ERBB4: variants seen among roughly 807,000 people sequenced by gnomAD.
ERBB4 encodes receptor tyrosine-protein kinase erbB-4.
ERBB4 carries 42 observed loss-of-function variants against 158.0 expected under a neutral mutation model. The ratio of observed to expected loss-of-function variants is 0.27; its 90% CI spans 0.21 to 0.34. The LOEUF is 0.34. ERBB4 is among the 10% of genes least tolerant of loss of function. ERBB4 has a pLI of 1.00. For synonymous variants in ERBB4, 583 were observed against 558.7 expected, an observed-to-expected ratio of 1.04 and a Z score of -0.61; for missense variants, 1,333 against 1,624.1, an observed-to-expected ratio of 0.82 and a Z score of 3.08.
At chr2:211,875,025 C>CAAAAAAAAAAAAAATAA in intron 3 of ERBB4, among the ~76,000 whole-genome samples, 1 of 27,032 alleles carries the variant, frequency 3.7e-5, no homozygotes, top group South Asian at 1.9e-3. Flanking sequence ...AATAGAAATG[C>CAAAAAAAAAAAAAATAA]AAAAAAAAAA....
intron 19 of ERBB4, among the ~76,000 whole-genome samples, chr2:211,611,940 T>C (rs1325750164): frequency 6.6e-6 from 1 of 152,118 alleles, no homozygotes; most frequent in Non-Finnish European, 1.5e-5. Flanking sequence ...ATTGCATGCA[T>C]AGGAAAAAAT....
At chr2:211,496,690 T>C (rs1356606300) in intron 20 of ERBB4, among the ~76,000 whole-genome samples, 1 of 152,100 alleles carries the variant, frequency 6.6e-6, no homozygotes, top group African/African-American at 2.4e-5. Context: ...CTAATCTTAA[T>C]ACAGAAGCCA....
At chr2:212,218,117 A>C (rs1234435029) in intron 1 of ERBB4, among the ~76,000 whole-genome samples, 2 of 151,340 alleles carry the variant, frequency 1.3e-5, no homozygotes, top group African/African-American at 2.4e-5. Context: ...TATAGCCTCA[A>C]AGTCTCCATT....
At chr2:211,407,671 T>C (rs954924667) in intron 25 of ERBB4, among the ~76,000 whole-genome samples, 1 of 152,210 alleles carries the variant, frequency 6.6e-6, no homozygotes, top group Non-Finnish European at 1.5e-5. Context: ...TCAAGTGTAA[T>C]GAGAGGCTGG....
chr2:211,802,829 A>G (rs1653924983), intron 3 of ERBB4, among the ~76,000 whole-genome samples: 2 of 152,180 alleles, frequency 1.3e-5, no homozygotes, highest in South Asian at 4.1e-4. Flanking sequence ...TTTAGAGTGA[A>G]TAGGAGGAGA....
At chr2:211,968,956 A>AT (rs2081379160) in intron 2 of ERBB4, among the ~76,000 whole-genome samples, 1 of 151,976 alleles carries the variant, frequency 6.6e-6, no homozygotes, top group Non-Finnish European at 1.5e-5. Flanking sequence ...CAAATTAGTA[A>AT]TGTACATTTT....
chr2:212,124,743 C>T lies in ERBB4; in HGVS notation c.234+9G>A, dbSNP rs2079867865. ...TTCACAAAGAAGAGAAAGAAAGCCA[C>T]AGCTTTACCCGCAGGAAGGAGAGGT... On this transcript the variant is annotated intron_variant, in intron 2 of 27. Transcript: ENST00000342788. The T allele has an allele frequency of 2.5e-6, 4 of 1,614,124 alleles. No homozygotes were observed. The highest frequency in any genetic ancestry group is 3.4e-6 in the Non-Finnish European group (4 of 1,179,972).
intron 2 of ERBB4, among the ~76,000 whole-genome samples, chr2:212,018,048 T>C (rs2076567212): frequency 6.6e-6 from 1 of 152,132 alleles, no homozygotes; most frequent in East Asian, 1.9e-4. Flanking sequence ...AAATATAATT[T>C]AGGGCTAAAG....
chr2:212,423,325 C>T (rs994551545), intron 1 of ERBB4, among the ~76,000 whole-genome samples: 4 of 152,090 alleles, frequency 2.6e-5, no homozygotes, highest in African/African-American at 9.7e-5. Context: ...AAAGTGACAG[C>T]AGAAGATGCC....
At chr2:212,282,913 A>AAGAT (rs1394339964) in intron 1 of ERBB4, among the ~76,000 whole-genome samples, 2 of 151,990 alleles carry the variant, frequency 1.3e-5, no homozygotes, top group African/African-American at 4.8e-5. Context: ...CAAATGGGGA[A>AAGAT]AGATAGATGT....
At chr2:211,643,538 T>G (rs2070678178) in intron 16 of ERBB4, among the ~76,000 whole-genome samples, 1 of 152,118 alleles carries the variant, frequency 6.6e-6, no homozygotes, top group African/African-American at 2.4e-5. Flanking sequence ...GTCCAAATTT[T>G]TCACTTTTCC....
chr2:211,667,838 T>C (rs2071687115), intron 14 of ERBB4, among the ~76,000 whole-genome samples: 1 of 152,240 alleles, frequency 6.6e-6, no homozygotes, highest in African/African-American at 2.4e-5. Flanking sequence ...ATCAAGTTCA[T>C]ATTTAATATT....
intron 12 of ERBB4, among the ~76,000 whole-genome samples, chr2:211,699,773 C>A (rs114189374): frequency 0.018 from 2,736 of 152,064 alleles, 72 homozygotes; most frequent in African/African-American, 0.062. Flanking sequence ...AGTTTAAACA[C>A]ATTTTATATT....
intron 20 of ERBB4, among the ~76,000 whole-genome samples, chr2:211,556,203 A>C (rs2067233744): frequency 6.6e-6 from 1 of 152,244 alleles, no homozygotes; most frequent in African/African-American, 2.4e-5. Context: ...GGCATTACAT[A>C]ATGGTAAAGT....
intron 1 of ERBB4, among the ~76,000 whole-genome samples, chr2:212,398,382 A>G (rs778689416): frequency 6.6e-6 from 1 of 152,102 alleles, no homozygotes; most frequent in Non-Finnish European, 1.5e-5. Context: ...TATCCAACAT[A>G]AGAAAAGCTG....
At chr2:211,867,379 G>T (rs1348721720) in intron 3 of ERBB4, among the ~76,000 whole-genome samples, 1 of 152,048 alleles carries the variant, frequency 6.6e-6, no homozygotes, top group Non-Finnish European at 1.5e-5. Context: ...ATATAGATCT[G>T]CACAAAGCAA....
chr2:212,505,059 G>A (rs889571931), intron 1 of ERBB4, among the ~76,000 whole-genome samples: 1 of 151,912 alleles, frequency 6.6e-6, no homozygotes, highest in African/African-American at 2.4e-5. Flanking sequence ...ACAACTGTTT[G>A]TTTCTTACTC....
At chr2:211,509,509 G>C (rs554333695) in intron 20 of ERBB4, among the ~76,000 whole-genome samples, 92 of 151,988 alleles carry the variant, frequency 6.1e-4, no homozygotes, top group Non-Finnish European at 1.2e-3. Context: ...AAAAAATCTA[G>C]GAAATACCAT....
chr2:212,502,980 C>A (rs1333210959), intron 1 of ERBB4, among the ~76,000 whole-genome samples: 1 of 152,122 alleles, frequency 6.6e-6, no homozygotes, highest in East Asian at 1.9e-4. Flanking sequence ...CCAAGCTGGT[C>A]TCTAACTCCT....
Sources: allele counts gnomAD v4.1 joint callset (sites outside exome capture counted in the v4.1 genomes callset), GRCh38; gene constraint gnomAD v4.1.1; transcripts MANE v1.5; gene names NCBI Gene and HGNC (gene_info 2026-07-23, HGNC 2026-07-21).